Variants in EXOC4 observed in about 807,000 individuals in gnomAD.
EXOC4 encodes the protein exocyst complex component 4.
In EXOC4, 71 loss-of-function variants were observed where a neutral mutation model predicts 107.2. The observed-to-expected ratio is 0.66, with a 90% CI of 0.55 to 0.81. The LOEUF (loss-of-function observed/expected upper bound fraction) is 0.81. Ranked by LOEUF, EXOC4 falls within the 30% of genes least tolerant of loss-of-function variation. The pLI is 0.00. For missense variants in EXOC4, 1,108 were observed against 1,189.6 expected, an observed-to-expected ratio of 0.93 and a Z score of 1.01; for synonymous variants, 456 against 441.2, an observed-to-expected ratio of 1.03 and a Z score of -0.42.
chr7:133,511,270 G>T (rs1199799200), intron 9 of EXOC4, among the ~76,000 whole-genome samples: 3 of 152,216 alleles, frequency 2.0e-5, no homozygotes, highest in African/African-American at 7.2e-5. Context: ...AGATTGGGGG[G>T]CTTATATACA....
At chr7:133,685,700 A>G (rs1794282328) in intron 10 of EXOC4, among the ~76,000 whole-genome samples, 2 of 152,228 alleles carry the variant, frequency 1.3e-5, no homozygotes, top group Admixed American at 1.3e-4. Flanking sequence ...TTGAGAAAGA[A>G]CAAGTATACC....
At chr7:134,089,570 C>T in the EXOC4 span, among the ~76,000 whole-genome samples, 341 of 152,248 alleles carry the variant, frequency 2.2e-3, no homozygotes, top group Middle Eastern at 0.01. Flanking sequence ...GCAAGTTGTA[C>T]GGTTAAGCAT....
Position 133,918,108 on chromosome 7 carries a change from A to G in EXOC4, c.2027+370A>G, listed in dbSNP as rs1367775077. On this transcript the variant is annotated intron_variant, in intron 13 of 17. Transcript: ENST00000253861. Reference sequence around the variant, plus strand: ...CGCCATTCTCCTGCCTCAGCCTCCCAAGTAGCTGGGACTACCGGTGCCCAC... The same window carrying G: ...CGCCATTCTCCTGCCTCAGCCTCCCGAGTAGCTGGGACTACCGGTGCCCAC... Among the ~76,000 whole-genome samples, 4 of 150,748 alleles carry G rather than the reference A, an allele frequency of 2.7e-5. No homozygotes were observed. In the South Asian group the frequency reaches 6.3e-4, roughly 24 times the overall value.
At chr7:133,743,265 C>T (rs1389017468) in intron 10 of EXOC4, among the ~76,000 whole-genome samples, 1 of 152,128 alleles carries the variant, frequency 6.6e-6, no homozygotes, top group Non-Finnish European at 1.5e-5. Context: ...CTCTTGTTTT[C>T]CCATCTCCAG....
intron 10 of EXOC4, chr7:133,727,621 C>A: frequency 6.2e-6 from 1 of 162,364 alleles, no homozygotes; most frequent in East Asian, 1.7e-4. Context: ...ACCCAGTCAC[C>A]TGCTCACTAT....
chr7:133,254,136 AG>A (rs1794959019), intron 1 of EXOC4: 3 of 152,192 alleles, frequency 2.0e-5, no homozygotes, highest in African/African-American at 4.8e-5. Flanking sequence ...TTCAAAACCC[AG>A]GGCCCAACAT....
At chr7:133,480,610 G>T in intron 9 of EXOC4, 1 of 198,660 alleles carries the variant, frequency 5.0e-6, no homozygotes, top group Non-Finnish European at 9.4e-6. Flanking sequence ...TGATGAACAG[G>T]CTATTTGATA....
chr7:133,691,950 AT>A (rs1167324186), intron 10 of EXOC4, among the ~76,000 whole-genome samples: 3 of 152,094 alleles, frequency 2.0e-5, no homozygotes, highest in African/African-American at 7.2e-5. Context: ...TCATAATCTC[AT>A]GGCTGATGTT....
At chr7:133,695,114 G>T (rs765425005) in intron 10 of EXOC4, among the ~76,000 whole-genome samples, 1 of 151,798 alleles carries the variant, frequency 6.6e-6, no homozygotes, top group East Asian at 1.9e-4. Context: ...GAGCCACTGC[G>T]CCCGGCCCCC....
At chr7:133,884,604 T>C (rs965147712) in intron 11 of EXOC4, among the ~76,000 whole-genome samples, 1 of 151,322 alleles carries the variant, frequency 6.6e-6, no homozygotes, top group Admixed American at 6.6e-5. Context: ...TGTGTGTGTG[T>C]GTGTGTGTGT....
At chr7:134,098,984 C>T in the EXOC4 span, among the ~76,000 whole-genome samples, 19 of 152,100 alleles carry the variant, frequency 1.2e-4, no homozygotes, top group East Asian at 3.5e-3. Flanking sequence ...GGGAAAGGGT[C>T]AAGGGTGTTT....
intron 10 of EXOC4, among the ~76,000 whole-genome samples, chr7:133,680,459 A>G (rs752376245): frequency 1.6e-4 from 24 of 152,344 alleles, no homozygotes; most frequent in African/African-American, 4.3e-4. Flanking sequence ...CAGAAAAGCT[A>G]TAGGAAGGAA....
At chr7:133,465,388 A>C (rs984551761) in intron 7 of EXOC4, among the ~76,000 whole-genome samples, 10 of 152,222 alleles carry the variant, frequency 6.6e-5, no homozygotes, top group Non-Finnish European at 1.3e-4. Context: ...CATGAGATCC[A>C]AAATACATGG....
chr7:133,927,094 T>A (rs1201959573), intron 13 of EXOC4, among the ~76,000 whole-genome samples: 2 of 149,970 alleles, frequency 1.3e-5, no homozygotes, highest in East Asian at 3.9e-4. Flanking sequence ...GTTGAATGAA[T>A]GAGAAGGATC....
chr7:133,610,412 A>T (rs1802049905), intron 9 of EXOC4, among the ~76,000 whole-genome samples: 1 of 152,206 alleles, frequency 6.6e-6, no homozygotes, highest in Non-Finnish European at 1.5e-5. Flanking sequence ...TTACTTTTTC[A>T]TGCCCTTCTT....
chr7:134,021,708 A>C (rs1281552341), intron 17 of EXOC4, among the ~76,000 whole-genome samples: 1 of 141,008 alleles, frequency 7.1e-6, no homozygotes, highest in African/African-American at 2.6e-5. Context: ...TCAGTTGCAG[A>C]TGGAGTCAAA....
At chr7:133,662,000 T>C (rs892277634) in intron 10 of EXOC4, among the ~76,000 whole-genome samples, 1 of 152,156 alleles carries the variant, frequency 6.6e-6, no homozygotes, top group Non-Finnish European at 1.5e-5. Context: ...GTGTTGAGCC[T>C]TTTATGTGGA....
In EXOC4 at chr7:133,479,835, A is replaced by C. The variant is rs147253189; in HGVS notation, c.1329-215A>C. Reference sequence around the variant, plus strand: ...AATGCAGAATAAGCAAAAGATCCAAATACGGTTGTAAAGGAGCCTTAGCCA... The same window carrying C: ...AATGCAGAATAAGCAAAAGATCCAACTACGGTTGTAAAGGAGCCTTAGCCA... On this transcript the variant is annotated intron_variant, in intron 8 of 17. Coordinates refer to ENST00000253861, the MANE Select transcript of EXOC4 (RefSeq NM_021807.4). The C allele has an allele frequency of 6.6e-4, 360 of 548,918 alleles. 3 individuals are homozygous for C. Among genetic ancestry groups the C allele is most frequent in the African/African-American group, 6.1e-3 (324 of 53,222 alleles). The allele number at this position is 548,918 out of a possible 1,614,324, so 34.0% of individuals were successfully genotyped here. A position where few individuals can be genotyped will look rare whatever the true frequency, so the allele number is the denominator to read the frequency against.
intron 9 of EXOC4, among the ~76,000 whole-genome samples, chr7:133,617,241 A>G (rs548794835): frequency 1.3e-3 from 196 of 152,320 alleles, no homozygotes; most frequent in Non-Finnish European, 2.0e-3. Flanking sequence ...GACTAAAACC[A>G]TAAAAACAGT....
Sources: allele counts gnomAD v4.1 joint callset (sites outside exome capture counted in the v4.1 genomes callset), GRCh38; gene constraint gnomAD v4.1.1; transcripts MANE v1.5; gene names NCBI Gene and HGNC (gene_info 2026-07-23, HGNC 2026-07-21).